Variants in SLC4A4 observed in about 807,000 individuals in gnomAD.
The protein encoded by SLC4A4 is electrogenic sodium bicarbonate cotransporter 1.
Under a neutral mutation model 111.5 loss-of-function variants are expected in SLC4A4, and 27 were observed. The observed-to-expected ratio is 0.24, with a 90% CI of 0.18 to 0.33. SLC4A4 has a LOEUF of 0.33. Among genes scored for constraint, SLC4A4 ranks in the 10% least tolerant of loss-of-function variants. The pLI is 1.00. For synonymous variants in SLC4A4, 443 were observed against 463.4 expected (o/e 0.96, Z 0.57); for missense variants, 909 against 1,315.5 (o/e 0.69, Z 4.78).
intron 7 of SLC4A4, among the ~76,000 whole-genome samples, chr4:71,418,218 T>C (rs1458320245): frequency 6.6e-6 from 1 of 152,242 alleles, no homozygotes; most frequent in Non-Finnish European, 1.5e-5. Flanking sequence ...TAGCCATTTG[T>C]AAATGTGCTG....
intron 1 of SLC4A4, chr4:71,233,426 C>T (rs1199450016): frequency 2.8e-6 from 1 of 352,438 alleles, no homozygotes; most frequent in African/African-American, 2.2e-5. Context: ...CCTTTTGTCA[C>T]TTCCTTGACA....
intron 1 of SLC4A4, among the ~76,000 whole-genome samples, chr4:71,188,985 T>G (rs891155009): frequency 2.0e-5 from 3 of 152,234 alleles, no homozygotes; most frequent in African/African-American, 7.2e-5. Context: ...GTTTTAACTG[T>G]ATCCCACACT....
chr4:71,360,902 T>C (rs1456836848), intron 6 of SLC4A4, among the ~76,000 whole-genome samples: 1 of 151,658 alleles, frequency 6.6e-6, no homozygotes, highest in African/African-American at 2.4e-5. Context: ...ATTTGAAGAG[T>C]GAGAAAAATG....
intron 2 of SLC4A4, among the ~76,000 whole-genome samples, chr4:71,250,813 G>A (rs185152038): frequency 6.6e-6 from 1 of 152,240 alleles, no homozygotes; most frequent in East Asian, 1.9e-4. Flanking sequence ...CACTGTACTA[G>A]TCTTGATACT....
chr4:71,197,655 A>G (rs906458985), intron 1 of SLC4A4, among the ~76,000 whole-genome samples: 1 of 152,320 alleles, frequency 6.6e-6, no homozygotes, highest in East Asian at 1.9e-4. Context: ...CAGCACACCA[A>G]CATGGCACAT....
At chr4:71,529,237 A>G (rs1192099885) in intron 16 of SLC4A4, among the ~76,000 whole-genome samples, 1 of 152,122 alleles carries the variant, frequency 6.6e-6, no homozygotes, top group Non-Finnish European at 1.5e-5. Flanking sequence ...TACATTTTAA[A>G]TTGAGCTTTA....
intron 1 of SLC4A4, among the ~76,000 whole-genome samples, chr4:71,220,791 T>C (rs929972434): frequency 1.3e-5 from 2 of 152,176 alleles, no homozygotes; most frequent in East Asian, 1.9e-4. Context: ...CATGGGAGTT[T>C]GTTGCACGTA....
chr4:71,304,646 A>G (rs781358445), intron 3 of SLC4A4, among the ~76,000 whole-genome samples: 1 of 152,222 alleles, frequency 6.6e-6, no homozygotes, highest in Non-Finnish European at 1.5e-5. Context: ...AATTGCTGTT[A>G]TAAAAGGAAC....
At chr4:71,532,973 A>T (rs1225099045) in intron 17 of SLC4A4, among the ~76,000 whole-genome samples, 2 of 152,092 alleles carry the variant, frequency 1.3e-5, no homozygotes, top group Non-Finnish European at 2.9e-5. Flanking sequence ...TAATGGATAA[A>T]ATTTACATTC....
intron 21 of SLC4A4, 71 bp downstream of exon 21, chr4:71,555,279 T>G: frequency 1.9e-6 from 2 of 1,034,686 alleles, no homozygotes; most frequent in Non-Finnish European, 3.1e-6. Context: ...GTAACAGATC[T>G]TTGAAGAAAA....
At chr4:71,087,557 C>G (rs926353028) in intron 1 of SLC4A4, among the ~76,000 whole-genome samples, 16 of 152,044 alleles carry the variant, frequency 1.1e-4, no homozygotes, top group African/African-American at 3.9e-4. Context: ...TATAAATTTC[C>G]CCCTACACAC....
intron 3 of SLC4A4, among the ~76,000 whole-genome samples, chr4:71,276,434 T>C (rs552666009): frequency 3.9e-5 from 6 of 152,182 alleles, no homozygotes; most frequent in Non-Finnish European, 8.8e-5. Context: ...CGTTGGGCTA[T>C]CTCTTTATAG....
At chr4:71,209,393 A>T (rs769540384) in intron 1 of SLC4A4, among the ~76,000 whole-genome samples, 20 of 152,220 alleles carry the variant, frequency 1.3e-4, no homozygotes, top group Non-Finnish European at 2.1e-4. Flanking sequence ...TTCTACAAGG[A>T]TGTTGCAAGA....
chr4:71,428,577 T>C (rs1723357797), intron 7 of SLC4A4, among the ~76,000 whole-genome samples: 1 of 151,840 alleles, frequency 6.6e-6, no homozygotes, highest in African/African-American at 2.4e-5. Flanking sequence ...ATGAGTTTGT[T>C]TGAAAAATAA....
intron 2 of SLC4A4, among the ~76,000 whole-genome samples, chr4:71,178,480 G>C (rs962734144): frequency 1.1e-4 from 16 of 152,060 alleles, no homozygotes; most frequent in African/African-American, 3.6e-4. Flanking sequence ...AAGAAGAAAA[G>C]AGAGAAGAAT....
intron 2 of SLC4A4, among the ~76,000 whole-genome samples, chr4:71,168,023 TA>T (rs1481194482): frequency 2.6e-5 from 4 of 151,856 alleles, no homozygotes; most frequent in Admixed American, 6.6e-5. Context: ...AAAATTTTTA[TA>T]ATTTTTGTGA....
chr4:71,405,911 G>A (rs1191418747), intron 7 of SLC4A4, among the ~76,000 whole-genome samples: 1 of 149,066 alleles, frequency 6.7e-6, no homozygotes, highest in Non-Finnish European at 1.5e-5. Flanking sequence ...CTAATCACTT[G>A]TATTCTGAAG....
intron 3 of SLC4A4, among the ~76,000 whole-genome samples, chr4:71,298,241 A>T (rs1339115906): frequency 6.6e-6 from 1 of 152,224 alleles, no homozygotes; most frequent in Non-Finnish European, 1.5e-5. Context: ...ATATGAACTA[A>T]TATACCCAGC....
chr4:71,459,415 T>C (rs1448279435), intron 12 of SLC4A4, among the ~76,000 whole-genome samples: 6 of 152,036 alleles, frequency 3.9e-5, no homozygotes, highest in Non-Finnish European at 5.9e-5. Flanking sequence ...TCATGAACAC[T>C]TTCCCATACA....
Sources: gnomAD v4.1 joint callset for allele counts (sites outside exome capture counted in the v4.1 genomes callset) on GRCh38, gnomAD v4.1.1 for gene constraint, MANE v1.5 for transcripts, NCBI Gene and HGNC (gene_info 2026-07-23, HGNC 2026-07-21) for gene names.